The following MAPK14 variants were observed in gnomAD, a reference collection of about 807,000 sequenced individuals.
The protein encoded by MAPK14 is CSAID-binding protein.
Under a neutral mutation model 49.6 loss-of-function variants are expected in MAPK14, and 16 were observed. The observed-to-expected ratio is 0.32, with a 90% CI of 0.22 to 0.49. The LOEUF is 0.49. MAPK14 is among the 20% of genes least tolerant of loss of function. The pLI is 0.99. For synonymous variants in MAPK14, 142 were observed against 158.0 expected, an observed-to-expected ratio of 0.90 and a Z score of 0.76; for missense variants, 200 against 441.2, an observed-to-expected ratio of 0.45 and a Z score of 4.90.
At position 36,028,017 on chromosome 6, in the gene MAPK14, G is replaced by A. The variant is rs1182991190; in HGVS notation, c.-141G>A. 4.3e-6 allele frequency: 2 copies of A among 469,526 alleles called. No homozygotes were observed. The highest frequency in any genetic ancestry group is 3.7e-6 in the Non-Finnish European group (1 of 268,382). 29.1% of individuals were successfully genotyped at this position (469,526 alleles called of 1,614,324 possible). On this transcript the variant is annotated 5_prime_UTR_variant, in exon 1 of 12. Coordinates refer to ENST00000229794, the MANE Select transcript of MAPK14 (RefSeq NM_139012.3). The surrounding 1 kb of genome is among the most constrained non-coding windows in gnomAD (Gnocchi z 5.1). ...CAGCCGCGCGCGCGGGAGTCTGCGG[G>A]GTCGCGGCAGCCGCACCTGCGCGGG...
At chr6:36,043,550 A>G (rs756525889) in intron 1 of MAPK14, among the ~76,000 whole-genome samples, 19 of 152,246 alleles carry the variant, frequency 1.2e-4, no homozygotes, top group Admixed American at 3.3e-4. Context: ...CTGTAATAGA[A>G]TGTAACATGT....
chr6:36,052,608 C>T lies in MAPK14; in HGVS notation c.117-91C>T, dbSNP rs181354285. The T allele has an allele frequency of 5.5e-5, 65 of 1,191,580 alleles. No homozygotes were observed. In the African/African-American group the frequency reaches 9.4e-4, roughly 17 times the overall value. 73.8% of individuals were successfully genotyped at this position (1,191,580 alleles called of 1,614,324 possible). A position where few individuals can be genotyped will look rare whatever the true frequency, so the allele number is the denominator to read the frequency against. ...CTTTTTTTTGGTATTTTGTTATAGA[C>T]CCTTTAATTTGGAAATAGCCTTATA... On this transcript the variant is annotated intron_variant, in intron 1 of 11. Transcript: ENST00000229794.
At chr6:36,083,971 G>T (rs1764872211) in intron 8 of MAPK14, among the ~76,000 whole-genome samples, 1 of 152,136 alleles carries the variant, frequency 6.6e-6, no homozygotes. Flanking sequence ...TGCCCCTCTG[G>T]GACGGAGCTC....
chr6:36,081,586 TC>T (rs762214010), intron 8 of MAPK14, among the ~76,000 whole-genome samples: 2 of 152,194 alleles, frequency 1.3e-5, no homozygotes, highest in Non-Finnish European at 2.9e-5. Flanking sequence ...TCAGTTCTAT[TC>T]TATTGGTTTA....
At chr6:36,036,681 GATA>G (rs1762762511) in intron 1 of MAPK14, among the ~76,000 whole-genome samples, 1 of 152,188 alleles carries the variant, frequency 6.6e-6, no homozygotes, top group Admixed American at 6.5e-5. Context: ...CCAGCAAGAA[GATA>G]ATAACTTGCT....
intron 8 of MAPK14, among the ~76,000 whole-genome samples, chr6:36,081,206 T>G (rs1204130159): frequency 6.6e-6 from 1 of 152,224 alleles, no homozygotes; most frequent in East Asian, 1.9e-4. Context: ...CTGTCCTTGC[T>G]CATGCTTTTT....
chr6:36,065,481 C>T (rs145001891), intron 3 of MAPK14, among the ~76,000 whole-genome samples: 110 of 122,504 alleles, frequency 9.0e-4, no homozygotes, highest in African/African-American at 2.2e-3. Context: ...ATCCAGGGGC[C>T]GAGAGAGGGA....
At chr6:36,121,665 CTTATTT>C in the MAPK14 span, among the ~76,000 whole-genome samples, 170 of 152,308 alleles carry the variant, frequency 1.1e-3, no homozygotes, top group African/African-American at 3.9e-3. Context: ...CTCTGTGACT[CTTATTT>C]TTTTAGAGAC....
chr6:36,099,025 T>C (rs909093678), intron 9 of MAPK14, among the ~76,000 whole-genome samples: 2 of 152,204 alleles, frequency 1.3e-5, no homozygotes, highest in African/African-American at 4.8e-5. Context: ...AGCACATGGC[T>C]CTAGCTCCCT....
chr6:36,124,141 TCCCTC>T, the MAPK14 span, among the ~76,000 whole-genome samples: 2 of 42,926 alleles, frequency 4.7e-5, no homozygotes, highest in Non-Finnish European at 4.5e-5. Context: ...CCTCCCTCCC[TCCCTC>T]CCTCCCTTCC....
At position 36,108,630 on chromosome 6, in the gene MAPK14, G is replaced by A. The variant is rs1765874322; in HGVS notation, c.*183G>A. On this transcript the variant is annotated 3_prime_UTR_variant, in exon 12 of 12. Coordinates refer to ENST00000229794, the MANE Select transcript of MAPK14 (RefSeq NM_139012.3). ...TGTGTGTGTCTGTCTTTGTGGGAGG[G>A]TAAGACAATATGAACAAACTATGAT... The A allele has an allele frequency of 1.6e-6, 1 of 611,540 alleles. No individual in the cohort carries two copies. Among genetic ancestry groups the A allele is most frequent in the African/African-American group, 1.8e-5 (1 of 54,398 alleles). The allele number at this position is 611,540 out of a possible 1,614,324, so 37.9% of individuals were successfully genotyped here.
chr6:36,082,152 GT>G (rs1383133162), intron 8 of MAPK14, among the ~76,000 whole-genome samples: 2 of 152,148 alleles, frequency 1.3e-5, no homozygotes, highest in Non-Finnish European at 2.9e-5. Flanking sequence ...TATGTATAGG[GT>G]TATGTCATCT....
rs529445984 is a variant in MAPK14 at position 36,078,249 on chromosome 6, G to A, written c.682+1641G>A. 3.3e-4 allele frequency among the ~76,000 whole-genome samples: 50 copies of A among 152,198 alleles called. No individual in the cohort carries two copies. The East Asian group carries it at 4.8e-3, about 15-fold the overall frequency. On this transcript the variant is annotated intron_variant, in intron 8 of 11. Transcript: ENST00000229794. ...AATCATACATACTCACAAGGTTGTC[G>A]TAAGAATTCAGCCAGAAAATAACTG... is the stretch of plus-strand genomic sequence containing the variant.
At chr6:36,061,532 A>G (rs1221431133) in intron 3 of MAPK14, among the ~76,000 whole-genome samples, 1 of 152,188 alleles carries the variant, frequency 6.6e-6, no homozygotes, top group Admixed American at 6.5e-5. Context: ...CGTTCTTTCT[A>G]TTTAACTCTA....
At chr6:36,064,239 A>G (rs1236601569) in intron 3 of MAPK14, among the ~76,000 whole-genome samples, 1 of 151,416 alleles carries the variant, frequency 6.6e-6, no homozygotes, top group Non-Finnish European at 1.5e-5. Flanking sequence ...TGGCCTCCCA[A>G]AATGCTGGGA....
At chr6:36,042,525 C>T (rs1432527259) in intron 1 of MAPK14, among the ~76,000 whole-genome samples, 1 of 125,238 alleles carries the variant, frequency 8.0e-6, no homozygotes, top group Non-Finnish European at 1.6e-5. Context: ...GGGTTTTGCT[C>T]TGTCACCTGG....
chr6:36,064,544 C>T (rs543331341), intron 3 of MAPK14, among the ~76,000 whole-genome samples: 40 of 152,164 alleles, frequency 2.6e-4, no homozygotes, highest in Non-Finnish European at 5.6e-4. Context: ...GGAAGACCTA[C>T]AACAAGGCTA....
At chr6:36,029,344 G>A (rs1762445080) in intron 1 of MAPK14, among the ~76,000 whole-genome samples, 1 of 152,132 alleles carries the variant, frequency 6.6e-6, no homozygotes, top group Non-Finnish European at 1.5e-5. Flanking sequence ...AATTTACACC[G>A]TGAGTGTGTT....
At chr6:36,043,867 A>G (rs757921092) in intron 1 of MAPK14, among the ~76,000 whole-genome samples, 36 of 139,250 alleles carry the variant, frequency 2.6e-4, no homozygotes, top group Non-Finnish European at 4.1e-4. Context: ...CTGGAGTGCA[A>G]TGGCACAATC....
Sources: allele counts gnomAD v4.1 joint callset (sites outside exome capture counted in the v4.1 genomes callset), GRCh38; gene constraint gnomAD v4.1.1; non-coding constraint Gnocchi (gnomAD v3.1); transcripts MANE v1.5; gene names NCBI Gene and HGNC (gene_info 2026-07-23, HGNC 2026-07-21).